ADCY8: variants seen among roughly 807,000 people sequenced by gnomAD.
ADCY8 encodes the protein adenylate cyclase type 8.
In ADCY8, 51 loss-of-function variants were observed where a neutral mutation model predicts 119.7. That is an observed-to-expected ratio of 0.43 (90% confidence interval 0.34 to 0.54). The LOEUF is 0.54. ADCY8 is among the 20% of genes least tolerant of loss of function. The probability of loss-of-function intolerance (pLI) is 0.03; values close to 1 mark genes in which losing one functional copy is unlikely to be tolerated. For missense variants in ADCY8, 1,383 were observed against 1,598.8 expected, an observed-to-expected ratio of 0.87 and a Z score of 2.30; for synonymous variants, 665 against 651.0, an observed-to-expected ratio of 1.02 and a Z score of -0.33.
chr8:130,789,520 T>C (rs971634961), intron 15 of ADCY8, among the ~76,000 whole-genome samples: 1 of 151,692 alleles, frequency 6.6e-6, no homozygotes, highest in Non-Finnish European at 1.5e-5. Context: ...ATTGTTAATA[T>C]TCCTTGGAAA....
At chr8:130,897,370 G>T (rs1270838867) in intron 7 of ADCY8, among the ~76,000 whole-genome samples, 1 of 152,092 alleles carries the variant, frequency 6.6e-6, no homozygotes, top group Admixed American at 6.5e-5. Flanking sequence ...CACCAGCCCA[G>T]CCAGCCCCCA....
intron 1 of ADCY8, among the ~76,000 whole-genome samples, chr8:130,999,001 T>A (rs1170755703): frequency 6.6e-6 from 1 of 152,084 alleles, no homozygotes; most frequent in Non-Finnish European, 1.5e-5. Flanking sequence ...CATGAAGAAA[T>A]CTCTGAGTCA....
intron 7 of ADCY8, among the ~76,000 whole-genome samples, chr8:130,899,490 C>T (rs2130512654): frequency 6.6e-6 from 1 of 152,212 alleles, no homozygotes; most frequent in Non-Finnish European, 1.5e-5. Context: ...CCGGTAATCT[C>T]AGCTACTTAA....
chr8:130,856,953 A>C (rs2130350332), intron 9 of ADCY8, among the ~76,000 whole-genome samples: 1 of 152,222 alleles, frequency 6.6e-6, no homozygotes, highest in African/African-American at 2.4e-5. Flanking sequence ...AACTTTTTAA[A>C]AATGGTAAAA....
intron 2 of ADCY8, among the ~76,000 whole-genome samples, chr8:130,968,665 G>A (rs1022027859): frequency 2.6e-5 from 4 of 152,158 alleles, no homozygotes; most frequent in African/African-American, 9.7e-5. Flanking sequence ...CTTAAGTAAT[G>A]CTTAGGACAT....
chr8:130,876,027 A>T (rs577548346), intron 8 of ADCY8, among the ~76,000 whole-genome samples: 1 of 152,136 alleles, frequency 6.6e-6, no homozygotes, highest in Non-Finnish European at 1.5e-5. Context: ...AAGCTCATTC[A>T]ACTTCAGTTT....
At chr8:130,881,640 T>C (rs533042512) in intron 8 of ADCY8, among the ~76,000 whole-genome samples, 4 of 152,264 alleles carry the variant, frequency 2.6e-5, no homozygotes, top group African/African-American at 9.6e-5. Flanking sequence ...ATATTGTATG[T>C]ATTTAAAAAA....
chr8:130,862,424 T>C (rs1024623264), intron 9 of ADCY8, among the ~76,000 whole-genome samples: 1 of 152,156 alleles, frequency 6.6e-6, no homozygotes, highest in Non-Finnish European at 1.5e-5. Context: ...TTTTGTTTTG[T>C]TTTGTTTTTT....
intron 6 of ADCY8, among the ~76,000 whole-genome samples, chr8:130,906,318 G>A (rs62518117): frequency 0.14 from 21,268 of 152,112 alleles, 1,639 homozygotes; most frequent in Non-Finnish European, 0.18. Flanking sequence ...AAATGAACCT[G>A]GTAGGAGGGT....
chr8:130,870,962 C>A (rs1818333436), intron 8 of ADCY8, among the ~76,000 whole-genome samples: 1 of 151,018 alleles, frequency 6.6e-6, no homozygotes, highest in Admixed American at 6.7e-5. Context: ...AAGTTTGAAG[C>A]ATTCTATTAT....
intron 1 of ADCY8, among the ~76,000 whole-genome samples, chr8:130,993,913 G>A (rs896873029): frequency 1.3e-5 from 2 of 152,182 alleles, no homozygotes; most frequent in African/African-American, 4.8e-5. Context: ...CTTAGGATAG[G>A]ACTTGAAGTT....
intron 5 of ADCY8, among the ~76,000 whole-genome samples, chr8:130,930,248 CT>C (rs1229786522): frequency 6.6e-6 from 1 of 151,138 alleles, no homozygotes; most frequent in African/African-American, 2.4e-5. Context: ...TGGATTCCTT[CT>C]TCTACATTTT....
chr8:130,903,464 GTT>G (rs35382013), intron 7 of ADCY8, among the ~76,000 whole-genome samples: 13,060 of 124,620 alleles, frequency 0.1, 665 homozygotes, highest in African/African-American at 0.15. Context: ...AACATGAGTG[GTT>G]TTTTTTTTTT....
chr8:131,019,835 C>CTG (rs869064558), intron 1 of ADCY8, among the ~76,000 whole-genome samples: 994 of 99,160 alleles, frequency 0.01, 4 homozygotes, highest in South Asian at 0.015. Flanking sequence ...CTCTCTCTCT[C>CTG]TCTGTCTGTC....
chr8:130,826,855 C>T (rs544947085), intron 12 of ADCY8, among the ~76,000 whole-genome samples: 2 of 151,576 alleles, frequency 1.3e-5, no homozygotes, highest in South Asian at 4.2e-4. Flanking sequence ...TTCTTTGTAA[C>T]AACAGGTGCA....
intron 11 of ADCY8, among the ~76,000 whole-genome samples, chr8:130,840,720 T>G (rs1817112982): frequency 6.6e-6 from 1 of 152,176 alleles, no homozygotes; most frequent in Non-Finnish European, 1.5e-5. Flanking sequence ...TACAGTGTTT[T>G]GGGGTAAATC....
chr8:130,934,923 A>G (rs967030993), intron 5 of ADCY8, among the ~76,000 whole-genome samples: 2 of 152,102 alleles, frequency 1.3e-5, no homozygotes, highest in African/African-American at 4.8e-5. Context: ...TCCCGATTCC[A>G]TTTTTTTGGC....
At position 130,950,980 on chromosome 8, in the gene ADCY8, G is replaced by A. The variant is rs994631013; in HGVS notation, c.1241+888C>T. On this transcript the variant is annotated intron_variant, in intron 3 of 17. Coordinates refer to ENST00000286355, the MANE Select transcript of ADCY8 (RefSeq NM_001115.3). ...CCCAAAGTGCTGGGATTACAGGCGCGAGCGACCGTGCCCGGCCAGTACATT... is the reference window on the plus strand; with the variant it reads ...CCCAAAGTGCTGGGATTACAGGCGCAAGCGACCGTGCCCGGCCAGTACATT... Among the ~76,000 whole-genome samples the A allele has an allele frequency of 2.0e-5, 3 of 152,210 alleles. No homozygotes were observed. In the South Asian group the frequency reaches 6.2e-4, roughly 31 times the overall value.
intron 1 of ADCY8, among the ~76,000 whole-genome samples, chr8:131,021,998 G>A (rs2130796963): frequency 6.6e-6 from 1 of 152,302 alleles, no homozygotes; most frequent in African/African-American, 2.4e-5. Flanking sequence ...AGGAATATAA[G>A]TAGGAAAGAA....
Sources: gnomAD v4.1 joint callset for allele counts (sites outside exome capture counted in the v4.1 genomes callset) on GRCh38, gnomAD v4.1.1 for gene constraint, MANE v1.5 for transcripts, NCBI Gene and HGNC (gene_info 2026-07-23, HGNC 2026-07-21) for gene names.